The following LRP2 variants were observed in gnomAD, a reference collection of about 807,000 sequenced individuals.
LRP2 encodes the protein low-density lipoprotein receptor-related protein 2.
A neutral mutation model predicts 531.0 loss-of-function variants in LRP2; 172 were observed. That is an observed-to-expected ratio of 0.32 (90% CI 0.29 to 0.37). The LOEUF (loss-of-function observed/expected upper bound fraction) is 0.37. LRP2 is among the 10% of genes least tolerant of loss of function. LRP2 has a pLI of 1.00. For missense variants in LRP2, 5,167 were observed against 5,868.3 expected, an observed-to-expected ratio of 0.88 and a Z score of 3.90; for synonymous variants, 1,992 against 2,027.6, an observed-to-expected ratio of 0.98 and a Z score of 0.47.
At chr2:169,129,807 C>T (rs1009440506) in intron 77 of LRP2, among the ~76,000 whole-genome samples, 5 of 152,204 alleles carry the variant, frequency 3.3e-5, no homozygotes, top group African/African-American at 1.2e-4. Flanking sequence ...CACCCTGGAC[C>T]ATGGTGCGTG....
rs756516630 is a variant in LRP2 at position 169,156,252 on chromosome 2, TC to T, written c.12151+21del. The T allele has an allele frequency of 2.6e-5, 42 of 1,613,210 alleles. No homozygotes were observed. In the East Asian group the frequency reaches 8.7e-4, roughly 33 times the overall value. On this transcript the variant is annotated intron_variant, in intron 65 of 78. Transcript: ENST00000649046. ...ATTTATTTCCCCAAAAGTCAATTAA[TC>T]CCAACATGAACCCATCATACCCTCA...
intron 14 of LRP2, among the ~76,000 whole-genome samples, chr2:169,274,554 A>G (rs1683502760): frequency 6.6e-6 from 1 of 152,210 alleles, no homozygotes; most frequent in Admixed American, 6.6e-5. Context: ...ATGACAGATT[A>G]ATCAGAACCA....
At position 169,154,607 on chromosome 2, in the gene LRP2, T is replaced by C; in HGVS notation, c.12152-4A>G. 2 of 1,613,296 alleles carry C rather than the reference T, an allele frequency of 1.2e-6. No individual in the cohort carries two copies. Among genetic ancestry groups the C allele is most frequent in the Non-Finnish European group, 1.7e-6 (2 of 1,179,366 alleles). ...AGTAGCAACAAAGGAGAGCTACCTGTAAACAAACAAAGGGCTACTTTATCT... is the reference window on the plus strand; with the variant it reads ...AGTAGCAACAAAGGAGAGCTACCTGCAAACAAACAAAGGGCTACTTTATCT... On this transcript the variant is annotated splice_polypyrimidine_tract_variant and splice_region_variant and intron_variant, in intron 65 of 78. Coordinates refer to ENST00000649046, the MANE Select transcript of LRP2 (RefSeq NM_004525.3).
chr2:169,144,042 A>G (rs2105344847), intron 70 of LRP2, among the ~76,000 whole-genome samples: 1 of 152,276 alleles, frequency 6.6e-6, no homozygotes, highest in South Asian at 2.1e-4. Context: ...TAAAATGCAG[A>G]TTCTGATTCA....
chr2:169,308,745 G>A lies in LRP2; in HGVS notation c.311-1348C>T, dbSNP rs965013201. Among the ~76,000 whole-genome samples the A allele has an allele frequency of 4.6e-5, 7 of 152,204 alleles. No individual in the cohort carries two copies. The East Asian group carries it at 1.3e-3, about 29-fold the overall frequency. On this transcript the variant is annotated intron_variant, in intron 3 of 78. Coordinates refer to ENST00000649046, the MANE Select transcript of LRP2 (RefSeq NM_004525.3). ...TCCTTTGGGTATATACTCAGTAATG[G>A]GATGGCTGGGTCAAATGGTATTTCT...
At chr2:169,246,271 G>A (rs895043786) in intron 21 of LRP2, among the ~76,000 whole-genome samples, 5 of 151,944 alleles carry the variant, frequency 3.3e-5, no homozygotes, top group African/African-American at 1.2e-4. Context: ...GTATACATGT[G>A]CCATTTTATA....
rs930148233 is a variant in LRP2, at chr2:169,178,378, T to C, written c.10170-352A>G. 3.9e-5 allele frequency among the ~76,000 whole-genome samples: 6 copies of C among 152,326 alleles called. No individual in the cohort carries two copies. In the South Asian group the frequency reaches 8.3e-4, roughly 21 times the overall value. On this transcript the variant is annotated intron_variant, in intron 52 of 78. Coordinates refer to ENST00000649046, the MANE Select transcript of LRP2 (RefSeq NM_004525.3). ...TGATGTTCCTCATTAAGCACCCTTT[T>C]GATATCCTGGGGTGAACACCATTCT...
chr2:169,201,964 A>G (rs1478536061), intron 43 of LRP2, 94 bp from the exon 44 acceptor site: 1 of 1,524,130 alleles, frequency 6.6e-7, no homozygotes, highest in East Asian at 2.4e-5. Context: ...GACACTTTGA[A>G]TTTACCTTCC....
At chr2:169,317,367 G>A (rs1684789589) in intron 3 of LRP2, among the ~76,000 whole-genome samples, 1 of 152,156 alleles carries the variant, frequency 6.6e-6, no homozygotes, top group Admixed American at 6.5e-5. Flanking sequence ...CATCATTTAT[G>A]CATTTAGTAT....
At chr2:169,244,993 T>C in intron 21 of LRP2, 61 bp from the exon 22 acceptor site, 1 of 1,602,490 alleles carries the variant, frequency 6.2e-7, no homozygotes, top group Non-Finnish European at 8.5e-7. Context: ...AAATGAGTTC[T>C]TGCCTTATAA....
chr2:169,358,898 CAAAAAAAAAA>C (rs777233354), intron 1 of LRP2, among the ~76,000 whole-genome samples: 1 of 115,912 alleles, frequency 8.6e-6, no homozygotes, highest in Non-Finnish European at 1.8e-5. Context: ...ACGATTTTCT[CAAAAAAAAAA>C]AAAAAAAAGA....
At chr2:169,135,159 T>G (rs1383033252) in intron 76 of LRP2, among the ~76,000 whole-genome samples, 1 of 152,192 alleles carries the variant, frequency 6.6e-6, no homozygotes, top group Non-Finnish European at 1.5e-5. Flanking sequence ...TCTTAGAACC[T>G]CTCATTTCCT....
intron 53 of LRP2, among the ~76,000 whole-genome samples, chr2:169,177,566 G>T (rs946026149): frequency 6.6e-6 from 1 of 151,970 alleles, no homozygotes; most frequent in East Asian, 1.9e-4. Context: ...AAAAAAAGAT[G>T]ATCTTGAAGA....
intron 36 of LRP2, 124 bp from the exon 37 acceptor site, chr2:169,212,331 G>A: frequency 8.1e-7 from 1 of 1,237,662 alleles, no homozygotes. Context: ...TATAGTAGCT[G>A]AGTTAGCAAT....
At chr2:169,320,946 T>C in intron 1 of LRP2, 62 bp from the exon 2 acceptor site, 7 of 1,199,572 alleles carry the variant, frequency 5.8e-6, no homozygotes, top group Admixed American at 1.7e-5. Flanking sequence ...CGAAGAAATA[T>C]AAATTTTTGA....
chr2:169,166,737 A>G (rs533308261), intron 61 of LRP2, among the ~76,000 whole-genome samples: 1 of 152,348 alleles, frequency 6.6e-6, no homozygotes, highest in East Asian at 1.9e-4. Context: ...CTGCCTGTAC[A>G]GATGTGAGGA....
At position 169,206,082 on chromosome 2, in the gene LRP2, G is replaced by T. The variant is rs764422443; in HGVS notation, c.7497C>A (p.Asn2499Lys). ...MINSMAEDGSNRTVIARVPKP... is the reference protein window; with the variant it reads ...MINSMAEDGSKRTVIARVPKP... ...TTGGAACGCGGGCTATCACAGTGCG[G>T]TTAGACCCATCTTCAGCCATGGAAT... Residue 2499 changes from asparagine (N) to lysine (K), a missense_variant, in exon 40 of 79, where the codon AAC becomes AAA. Physicochemically the swap from Asn to Lys is moderately conservative, Grantham distance 94. This residue lies in a region of LRP2 where 1,129 missense variants were observed against 1,362.7 expected (regional missense o/e 0.83). Coordinates refer to ENST00000649046, the MANE Select transcript of LRP2 (RefSeq NM_004525.3). The T allele has an allele frequency of 6.2e-7, 1 of 1,614,210 alleles. No homozygotes were observed. Among genetic ancestry groups the T allele is most frequent in the Non-Finnish European group, 8.5e-7 (1 of 1,180,036 alleles).
chr2:169,267,376 G>A (rs1332175746), intron 16 of LRP2, among the ~76,000 whole-genome samples: 1 of 152,042 alleles, frequency 6.6e-6, no homozygotes, highest in Non-Finnish European at 1.5e-5. Flanking sequence ...CTCAGCAAAT[G>A]TAAAAGAACA....
At chr2:169,288,198 G>A (rs560168055) in intron 9 of LRP2, among the ~76,000 whole-genome samples, 58 of 152,206 alleles carry the variant, frequency 3.8e-4, no homozygotes, top group Admixed American at 1.3e-3. Context: ...AAGGAAAAAA[G>A]ATCAGAGCAC....
Sources: gnomAD v4.1 joint callset for allele counts (sites outside exome capture counted in the v4.1 genomes callset) on GRCh38, gnomAD v4.1.1 for gene constraint, gnomAD v4.1.1 regional missense constraint, MANE v1.5 for transcripts, NCBI Gene and HGNC (gene_info 2026-07-23, HGNC 2026-07-21) for gene names.